The following ENOX1 variants were observed in gnomAD, a reference collection of about 807,000 sequenced individuals.
The protein encoded by ENOX1 is ecto-NOX disulfide-thiol exchanger 1, also known as candidate growth-related and time keeping constitutive hydroquinone (NADH) oxidase.
In ENOX1, 42 loss-of-function variants were observed where a neutral mutation model predicts 82.5. That is an observed-to-expected ratio of 0.51 (90% CI 0.40 to 0.66). The LOEUF is 0.66. Among genes scored for constraint, ENOX1 ranks in the 30% least tolerant of loss-of-function variants. The probability of loss-of-function intolerance (pLI) is 0.00; values close to 1 mark genes in which losing one functional copy is unlikely to be tolerated. For synonymous variants in ENOX1, 271 were observed against 282.2 expected, an observed-to-expected ratio of 0.96 and a Z score of 0.40; for missense variants, 608 against 811.6, an observed-to-expected ratio of 0.75 and a Z score of 3.05.
intron 3 of ENOX1, among the ~76,000 whole-genome samples, chr13:43,445,317 G>T (rs1264693245): frequency 4.0e-4 from 61 of 152,072 alleles, no homozygotes; most frequent in African/African-American, 1.4e-3. Flanking sequence ...TAGAGATGGG[G>T]TTTCACCGTG....
At chr13:43,382,487 C>T (rs554637344) in intron 5 of ENOX1, among the ~76,000 whole-genome samples, 2 of 152,238 alleles carry the variant, frequency 1.3e-5, no homozygotes, top group East Asian at 3.9e-4. Context: ...GCGTGACTTT[C>T]AGAATAACTA....
intron 11 of ENOX1, among the ~76,000 whole-genome samples, chr13:43,313,928 GC>G (rs2047345799): frequency 6.6e-6 from 1 of 152,154 alleles, no homozygotes. Flanking sequence ...TGACCAGCAT[GC>G]CCCAAGTAGA....
intron 1 of ENOX1, among the ~76,000 whole-genome samples, chr13:43,714,357 A>G (rs371225010): frequency 2.0e-5 from 3 of 152,044 alleles, no homozygotes; most frequent in South Asian, 2.1e-4. Context: ...TTTGGAATAG[A>G]TGTGGTGTGG....
chr13:43,584,342 T>C (rs938966064), intron 2 of ENOX1, among the ~76,000 whole-genome samples: 1 of 152,240 alleles, frequency 6.6e-6, no homozygotes, highest in African/African-American at 2.4e-5. Flanking sequence ...TTTCTCATAA[T>C]GCCAAAATAT....
At chr13:43,758,687 T>C (rs1053283420) in intron 1 of ENOX1, among the ~76,000 whole-genome samples, 2 of 152,216 alleles carry the variant, frequency 1.3e-5, no homozygotes, top group African/African-American at 4.8e-5. Flanking sequence ...AAGTTTAATT[T>C]AAACTAATTA....
At chr13:43,703,165 T>A (rs2087017471) in intron 1 of ENOX1, among the ~76,000 whole-genome samples, 1 of 152,062 alleles carries the variant, frequency 6.6e-6, no homozygotes, top group Non-Finnish European at 1.5e-5. Context: ...TGGTATTTTG[T>A]TATAGTACCA....
At chr13:43,244,940 A>G (rs1343100321) in intron 14 of ENOX1, among the ~76,000 whole-genome samples, 1 of 152,218 alleles carries the variant, frequency 6.6e-6, no homozygotes, top group Non-Finnish European at 1.5e-5. Context: ...CAAGATGTGT[A>G]TCAGCTACAT....
At chr13:43,649,356 C>G (rs2084045404) in intron 2 of ENOX1, among the ~76,000 whole-genome samples, 1 of 152,204 alleles carries the variant, frequency 6.6e-6, no homozygotes, top group Admixed American at 6.5e-5. Flanking sequence ...CCTTCACACC[C>G]TGGTTAGTTT....
intron 2 of ENOX1, among the ~76,000 whole-genome samples, chr13:43,502,157 T>A (rs2077003309): frequency 6.6e-6 from 1 of 151,554 alleles, no homozygotes; most frequent in South Asian, 2.1e-4. Flanking sequence ...ACACAGGACC[T>A]ACCACACTGA....
At chr13:43,483,301 G>A (rs2058577184) in intron 3 of ENOX1, among the ~76,000 whole-genome samples, 1 of 152,132 alleles carries the variant, frequency 6.6e-6, no homozygotes, top group African/African-American at 2.4e-5. Context: ...CTTTGGTTAG[G>A]TCTTTGTCAG....
chr13:43,607,128 T>C (rs1213887248), intron 2 of ENOX1, among the ~76,000 whole-genome samples: 1 of 152,220 alleles, frequency 6.6e-6, no homozygotes, highest in Non-Finnish European at 1.5e-5. Context: ...AAAGAAATGA[T>C]AAATGCTTGA....
chr13:43,336,474 CAAT>C (rs1202190595), intron 9 of ENOX1, among the ~76,000 whole-genome samples: 2 of 152,228 alleles, frequency 1.3e-5, no homozygotes, highest in Non-Finnish European at 2.9e-5. Context: ...CTGTCTTTGA[CAAT>C]AATTCTGACC....
chr13:43,655,244 C>T (rs934074774), intron 2 of ENOX1, among the ~76,000 whole-genome samples: 1 of 152,214 alleles, frequency 6.6e-6, no homozygotes, highest in African/African-American at 2.4e-5. Context: ...TTCTATGTTT[C>T]GCAAACTGTT....
intron 2 of ENOX1, among the ~76,000 whole-genome samples, chr13:43,554,160 C>T (rs1371523150): frequency 1.3e-5 from 2 of 152,090 alleles, no homozygotes. Flanking sequence ...CAAAAAAATT[C>T]CATAATCTTT....
chr13:43,382,566 G>C (rs1037450350), intron 5 of ENOX1, among the ~76,000 whole-genome samples: 1 of 152,128 alleles, frequency 6.6e-6, no homozygotes, highest in South Asian at 2.1e-4. Context: ...TCTGGAAAAT[G>C]CAAAATAATT....
intron 2 of ENOX1, among the ~76,000 whole-genome samples, chr13:43,487,706 G>A (rs1315372397): frequency 2.0e-5 from 3 of 151,986 alleles, no homozygotes; most frequent in African/African-American, 4.8e-5. Context: ...ACCTTTCCTG[G>A]GTGTTGTTCA....
intron 5 of ENOX1, among the ~76,000 whole-genome samples, chr13:43,393,834 AG>A (rs746065233): frequency 9.2e-5 from 14 of 152,150 alleles, no homozygotes; most frequent in Non-Finnish European, 1.8e-4. Flanking sequence ...TATGATCTCC[AG>A]TGTTGGAGGT....
At chr13:43,257,743 T>C (rs576657139) in intron 14 of ENOX1, among the ~76,000 whole-genome samples, 7 of 152,360 alleles carry the variant, frequency 4.6e-5, no homozygotes, top group African/African-American at 1.7e-4. Context: ...CCAATCTCCA[T>C]TCAAAACAAT....
intron 11 of ENOX1, among the ~76,000 whole-genome samples, chr13:43,316,964 C>T (rs1206061107): frequency 6.6e-6 from 1 of 152,184 alleles, no homozygotes; most frequent in Non-Finnish European, 1.5e-5. Context: ...AGAGAAAATG[C>T]TTGTCTTTAA....
Sources: allele counts gnomAD v4.1 joint callset (sites outside exome capture counted in the v4.1 genomes callset), GRCh38; gene constraint gnomAD v4.1.1; transcripts MANE v1.5; gene names NCBI Gene and HGNC (gene_info 2026-07-23, HGNC 2026-07-21).